CTTNBP2: variants seen among roughly 807,000 people sequenced by gnomAD.
CTTNBP2 encodes cortactin-binding protein 2.
A neutral mutation model predicts 156.9 loss-of-function variants in CTTNBP2; 108 were observed. The observed-to-expected ratio is 0.69, with a 90% confidence interval of 0.59 to 0.81. CTTNBP2 has a LOEUF of 0.81. Among genes scored for constraint, CTTNBP2 ranks in the 30% least tolerant of loss-of-function variants. The pLI is 0.00. For missense variants in CTTNBP2, 1,924 were observed against 2,035.4 expected (o/e 0.95, Z 1.05); for synonymous variants, 767 against 751.8 (o/e 1.02, Z -0.33).
At chr7:117,857,774 T>C (rs1363065473) in intron 2 of CTTNBP2, among the ~76,000 whole-genome samples, 1 of 152,164 alleles carries the variant, frequency 6.6e-6, no homozygotes, top group Non-Finnish European at 1.5e-5. Context: ...ATTCTTGATT[T>C]AGGAGTAAAT....
chr7:117,853,991 A>T (rs1437767275), intron 2 of CTTNBP2, among the ~76,000 whole-genome samples: 1 of 152,354 alleles, frequency 6.6e-6, no homozygotes, highest in African/African-American at 2.4e-5. Context: ...CAAAGAAAAC[A>T]TTGACCAGAA....
chr7:117,718,012 AC>A lies in CTTNBP2; in HGVS notation c.4746+5del, dbSNP rs1240218719. On this transcript the variant is annotated splice_donor_5th_base_variant and intron_variant, in intron 22 of 22. Coordinates refer to ENST00000160373, the MANE Select transcript of CTTNBP2 (RefSeq NM_033427.3). The stretch of plus-strand genomic sequence containing the variant: ...TTGTTCACTTTGGGGAGAAAGGGAC[AC>A]TTACCTTTTGTGACACTGGCATTCT... 1 of 1,560,762 alleles carries A rather than the reference AC, an allele frequency of 6.4e-7. No individual in the cohort carries two copies. The highest frequency in any genetic ancestry group is 8.8e-7 in the Non-Finnish European group (1 of 1,131,594).
chr7:117,814,289 G>A (rs1800451682), intron 2 of CTTNBP2, among the ~76,000 whole-genome samples: 2 of 148,048 alleles, frequency 1.4e-5, no homozygotes, highest in South Asian at 4.3e-4. Context: ...TTTTACATGT[G>A]TATTTTTGTT....
At chr7:117,823,072 TTA>T (rs1801063534) in intron 2 of CTTNBP2, among the ~76,000 whole-genome samples, 1 of 152,250 alleles carries the variant, frequency 6.6e-6, no homozygotes, top group South Asian at 2.1e-4. Flanking sequence ...ATAAACTGTA[TTA>T]TCTCTTTAAC....
At chr7:117,769,770 T>C (rs1462467441) in intron 8 of CTTNBP2, among the ~76,000 whole-genome samples, 4 of 152,202 alleles carry the variant, frequency 2.6e-5, no homozygotes, top group Admixed American at 6.5e-5. Context: ...GCACTAAACT[T>C]AGTGAATTCT....
At chr7:117,774,740 A>G (rs1236101582) in intron 8 of CTTNBP2, among the ~76,000 whole-genome samples, 1 of 151,476 alleles carries the variant, frequency 6.6e-6, no homozygotes, top group Admixed American at 6.6e-5. Context: ...ACAGTTCTCT[A>G]CTGAAAACCA....
intron 9 of CTTNBP2, 119 bp downstream of exon 9, chr7:117,766,940 G>T: frequency 1.5e-6 from 1 of 678,384 alleles, no homozygotes. Flanking sequence ...TTTTGCCATA[G>T]CTAGGGCTCC....
intron 8 of CTTNBP2, among the ~76,000 whole-genome samples, chr7:117,774,839 A>T (rs1028699030): frequency 2.6e-5 from 4 of 152,158 alleles, no homozygotes; most frequent in Non-Finnish European, 4.4e-5. Context: ...AAGAAAAAAA[A>T]ATATTTTTAA....
At chr7:117,826,880 G>T (rs1801320945) in intron 2 of CTTNBP2, among the ~76,000 whole-genome samples, 1 of 145,722 alleles carries the variant, frequency 6.9e-6, no homozygotes. Context: ...TTATTATTTT[G>T]AGATGGAGTC....
Position 117,728,142 on chromosome 7 carries a change from T to A in CTTNBP2, c.4002A>T (p.Pro1334=), listed in dbSNP as rs1276206397. 1 of 1,614,068 alleles carries A rather than the reference T, an allele frequency of 6.2e-7. No individual in the cohort carries two copies. Among genetic ancestry groups the A allele is most frequent in the Non-Finnish European group, 8.5e-7 (1 of 1,180,024 alleles). The change falls in exon 17 of 23, where the codon CCA becomes CCT. Residue 1334 remains proline (P), a synonymous_variant. Coordinates refer to ENST00000160373, the MANE Select transcript of CTTNBP2 (RefSeq NM_033427.3). The part of the protein sequence containing the change: ...RLGTPEALLG[P]KYFLSCPVVP... ...CTACAGGACAAGACAGGAAATATTT[T>A]GGTCCAAGAAGTGCTTCAGGTGTGC...
intron 19 of CTTNBP2, among the ~76,000 whole-genome samples, chr7:117,722,356 G>A (rs1474843600): frequency 6.6e-6 from 1 of 151,452 alleles, no homozygotes; most frequent in African/African-American, 2.4e-5. Flanking sequence ...AATAACGAGA[G>A]GCATGTCAGT....
intron 14 of CTTNBP2, among the ~76,000 whole-genome samples, chr7:117,741,259 G>A (rs1278348401): frequency 6.6e-6 from 1 of 152,162 alleles, no homozygotes; most frequent in East Asian, 1.9e-4. Flanking sequence ...ACAGAGCTTA[G>A]GGACTGCCTA....
In CTTNBP2 at chr7:117,830,426, C is replaced by G. The variant is rs190689612; in HGVS notation, c.190-19437G>C. ...CACCATGATATATTAAGAATCTACC[C>G]CAAGATCAATTAACCTGCTAGCTTG... On this transcript the variant is annotated intron_variant, in intron 2 of 22. Coordinates refer to ENST00000160373, the MANE Select transcript of CTTNBP2 (RefSeq NM_033427.3). Among the ~76,000 whole-genome samples, 120 of 152,262 alleles carry G rather than the reference C, an allele frequency of 7.9e-4. 1 individual carries two copies. Among genetic ancestry groups the G allele is most frequent in the African/African-American group, 2.7e-3 (113 of 41,546 alleles).
At chr7:117,868,743 C>T (rs1311920880) in intron 1 of CTTNBP2, among the ~76,000 whole-genome samples, 1 of 152,148 alleles carries the variant, frequency 6.6e-6, no homozygotes, top group Non-Finnish European at 1.5e-5. Context: ...ATAATGTAAT[C>T]GAGTATGTTC....
chr7:117,758,194 C>A (rs1584953687), intron 10 of CTTNBP2: 1 of 526,474 alleles, frequency 1.9e-6, no homozygotes, highest in East Asian at 3.1e-5. Flanking sequence ...TTCTCCAAAG[C>A]AGCCCATAGG....
intron 9 of CTTNBP2, among the ~76,000 whole-genome samples, chr7:117,763,191 ATCT>A (rs1478947362): frequency 2.0e-5 from 3 of 152,180 alleles, no homozygotes; most frequent in African/African-American, 4.8e-5. Context: ...GATGAGAACA[ATCT>A]TCTTAAAAAT....
At chr7:117,837,589 T>C (rs1212195069) in intron 2 of CTTNBP2, among the ~76,000 whole-genome samples, 1 of 152,216 alleles carries the variant, frequency 6.6e-6, no homozygotes, top group Non-Finnish European at 1.5e-5. Context: ...CAGTAAGATA[T>C]CTTAGGGATG....
chr7:117,858,395 C>T (rs1017305547), intron 2 of CTTNBP2, among the ~76,000 whole-genome samples: 1 of 152,094 alleles, frequency 6.6e-6, no homozygotes, highest in Non-Finnish European at 1.5e-5. Flanking sequence ...AAAAACAAAA[C>T]AAAACAAAGA....
intron 3 of CTTNBP2, among the ~76,000 whole-genome samples, chr7:117,808,828 G>A (rs1181513701): frequency 1.3e-5 from 2 of 152,194 alleles, no homozygotes; most frequent in Admixed American, 1.3e-4. Flanking sequence ...AGGTAATTTT[G>A]TTGTTAAAGA....
Sources: allele counts gnomAD v4.1 joint callset (sites outside exome capture counted in the v4.1 genomes callset), GRCh38; gene constraint gnomAD v4.1.1; transcripts MANE v1.5; gene names NCBI Gene and HGNC (gene_info 2026-07-23, HGNC 2026-07-21).